The following CPNE4 variants were observed in gnomAD, a reference collection of about 807,000 sequenced individuals.
CPNE4 encodes copine 4, also known as copine-4.
A neutral mutation model predicts 67.9 loss-of-function variants in CPNE4; 25 were observed. The ratio of observed to expected loss-of-function variants is 0.37; its 90% confidence interval spans 0.27 to 0.51. CPNE4 has a LOEUF of 0.51. Ranked by LOEUF, CPNE4 falls within the 20% of genes least tolerant of loss-of-function variation. The probability of loss-of-function intolerance (pLI) is 0.93; values close to 1 mark genes in which losing one functional copy is unlikely to be tolerated. For missense variants in CPNE4, 464 were observed against 690.8 expected, an observed-to-expected ratio of 0.67 and a Z score of 3.68; for synonymous variants, 242 against 244.9, an observed-to-expected ratio of 0.99 and a Z score of 0.11.
At chr3:131,894,506 T>C (rs1583416186) in intron 2 of CPNE4, among the ~76,000 whole-genome samples, 1 of 152,010 alleles carries the variant, frequency 6.6e-6, no homozygotes. Flanking sequence ...TCAGAATATA[T>C]AAGGAACTTA....
intron 14 of CPNE4, among the ~76,000 whole-genome samples, chr3:131,543,682 CT>C (rs1287999550): frequency 2.6e-5 from 4 of 152,094 alleles, no homozygotes; most frequent in African/African-American, 9.7e-5. Context: ...TTTCTTTTTA[CT>C]TTTTAAAATA....
At chr3:132,030,634 A>G (rs1005474183) in intron 1 of CPNE4, among the ~76,000 whole-genome samples, 1 of 152,202 alleles carries the variant, frequency 6.6e-6, no homozygotes, top group Admixed American at 6.5e-5. Context: ...CTAAAAGCTG[A>G]TGGTTCCCAA....
chr3:131,913,486 ACT>A (rs2089063100), intron 1 of CPNE4, among the ~76,000 whole-genome samples: 1 of 152,172 alleles, frequency 6.6e-6, no homozygotes, highest in Admixed American at 6.5e-5. Flanking sequence ...TGGACAACCC[ACT>A]CTGAGGGAAG....
At chr3:131,694,979 T>C (rs544884410) in intron 5 of CPNE4, among the ~76,000 whole-genome samples, 69 of 152,310 alleles carry the variant, frequency 4.5e-4, no homozygotes, top group African/African-American at 1.6e-3. Context: ...CATGCAGCAA[T>C]AGAAAACCAG....
intron 1 of CPNE4, among the ~76,000 whole-genome samples, chr3:131,918,199 TTTAAA>T (rs2070630902): frequency 6.6e-6 from 1 of 152,220 alleles, no homozygotes; most frequent in African/African-American, 2.4e-5. Context: ...AGTCAGATTT[TTTAAA>T]CTCAAAAGTG....
At chr3:131,880,770 GA>G (rs769224962) in intron 2 of CPNE4, among the ~76,000 whole-genome samples, 85 of 152,296 alleles carry the variant, frequency 5.6e-4, no homozygotes, top group Middle Eastern at 3.4e-3. Flanking sequence ...TAAACTTATG[GA>G]ATGCATGTAC....
chr3:131,981,493 C>A (rs765869692), intron 1 of CPNE4, among the ~76,000 whole-genome samples: 11 of 152,062 alleles, frequency 7.2e-5, no homozygotes, highest in Admixed American at 6.5e-5. Flanking sequence ...CAGTCACAGG[C>A]TTCACCCAGC....
intron 6 of CPNE4, among the ~76,000 whole-genome samples, chr3:131,681,536 C>A (rs1121660): frequency 0.55 from 83,775 of 151,900 alleles, 23,292 homozygotes; most frequent in East Asian, 0.8. Context: ...TTTTTCTTTT[C>A]TCTTATTCCT....
intron 14 of CPNE4, among the ~76,000 whole-genome samples, chr3:131,543,767 C>T (rs1935655148): frequency 6.6e-6 from 1 of 152,084 alleles, no homozygotes. Context: ...GTCTAAAGTC[C>T]TGCTATAAGA....
At chr3:131,935,143 C>A (rs73206092) in intron 1 of CPNE4, among the ~76,000 whole-genome samples, 10,173 of 152,216 alleles carry the variant, frequency 0.067, 408 homozygotes, top group Non-Finnish European at 0.092. Flanking sequence ...ATCCTTCCCC[C>A]ATGTGTGATT....
chr3:131,559,446 C>T (rs1936640846), intron 11 of CPNE4, among the ~76,000 whole-genome samples: 1 of 151,882 alleles, frequency 6.6e-6, no homozygotes, highest in South Asian at 2.1e-4. Flanking sequence ...TTATCTGTTT[C>T]AGTAAGAGCT....
chr3:131,550,260 A>G (rs781067024), intron 13 of CPNE4, among the ~76,000 whole-genome samples, 180 bp from the exon 14 acceptor site: 18 of 152,140 alleles, frequency 1.2e-4, no homozygotes, highest in Admixed American at 3.3e-4. Context: ...CCCCACTGAA[A>G]TCATTCTCCT....
chr3:131,545,274 C>G (rs1935763105), intron 14 of CPNE4, among the ~76,000 whole-genome samples: 1 of 152,036 alleles, frequency 6.6e-6, no homozygotes. Flanking sequence ...AATCTAAAAA[C>G]CATTCTCAGC....
At chr3:131,858,599 T>C (rs1017701282) in intron 2 of CPNE4, among the ~76,000 whole-genome samples, 4 of 152,146 alleles carry the variant, frequency 2.6e-5, no homozygotes, top group Non-Finnish European at 2.9e-5. Flanking sequence ...TAAAAACTTT[T>C]AGACATTTTT....
At chr3:131,867,950 TTGC>T (rs1345154585) in intron 2 of CPNE4, among the ~76,000 whole-genome samples, 1 of 152,166 alleles carries the variant, frequency 6.6e-6, no homozygotes, top group Non-Finnish European at 1.5e-5. Flanking sequence ...TACCTAATAA[TTGC>T]TGTTTGAGAA....
At chr3:131,902,934 C>T (rs931041103) in intron 2 of CPNE4, among the ~76,000 whole-genome samples, 11 of 152,076 alleles carry the variant, frequency 7.2e-5, no homozygotes, top group African/African-American at 2.4e-4. Flanking sequence ...TCTAAGCCTT[C>T]GATAGGCCTG....
intron 1 of CPNE4, among the ~76,000 whole-genome samples, chr3:132,012,763 C>T (rs2073797850): frequency 6.6e-6 from 1 of 152,218 alleles, no homozygotes; most frequent in Non-Finnish European, 1.5e-5. Context: ...ATGGATGCTT[C>T]ATTCTAAGAT....
chr3:131,620,254 GTAAT>G (rs1208782139), intron 7 of CPNE4, among the ~76,000 whole-genome samples: 2 of 152,190 alleles, frequency 1.3e-5, no homozygotes, highest in African/African-American at 4.8e-5. Context: ...AAAAATTGCT[GTAAT>G]TGTTTGGTTA....
At chr3:131,979,090 G>C (rs1322126513) in intron 1 of CPNE4, among the ~76,000 whole-genome samples, 1 of 151,962 alleles carries the variant, frequency 6.6e-6, no homozygotes, top group Non-Finnish European at 1.5e-5. Context: ...AATTTATTGA[G>C]GTTTATTTTA....
Sources: gnomAD v4.1 joint callset for allele counts (sites outside exome capture counted in the v4.1 genomes callset) on GRCh38, gnomAD v4.1.1 for gene constraint, MANE v1.5 for transcripts, NCBI Gene and HGNC (gene_info 2026-07-23, HGNC 2026-07-21) for gene names.